DNM3: variants seen among roughly 807,000 people sequenced by gnomAD.
DNM3 encodes the protein dynamin-3.
A neutral mutation model predicts 101.6 loss-of-function variants in DNM3; 47 were observed. The ratio of observed to expected loss-of-function variants is 0.46; its 90% CI spans 0.37 to 0.59. The LOEUF (loss-of-function observed/expected upper bound fraction) is 0.59. Among genes scored for constraint, DNM3 ranks in the 20% least tolerant of loss-of-function variants. DNM3 has a pLI of 0.00. For missense variants in DNM3, 849 were observed against 1,085.7 expected (o/e 0.78, Z 3.06); for synonymous variants, 385 against 387.9 (o/e 0.99, Z 0.09).
At chr1:172,221,496 G>C (rs983170532) in intron 14 of DNM3, among the ~76,000 whole-genome samples, 1 of 152,104 alleles carries the variant, frequency 6.6e-6, no homozygotes, top group Non-Finnish European at 1.5e-5. Context: ...AATCCACAGG[G>C]AAGAGATGGG....
At chr1:171,889,437 C>T (rs1433728540) in intron 1 of DNM3, among the ~76,000 whole-genome samples, 2 of 151,990 alleles carry the variant, frequency 1.3e-5, no homozygotes, top group Non-Finnish European at 2.9e-5. Context: ...GGGGCATATA[C>T]GAAGGAAAAA....
At chr1:172,107,667 T>C (rs1459227651) in intron 13 of DNM3, among the ~76,000 whole-genome samples, 2 of 152,224 alleles carry the variant, frequency 1.3e-5, no homozygotes. Context: ...TAGTTCATTA[T>C]CACAGTGAAA....
chr1:171,925,068 T>A (rs530782283), intron 2 of DNM3, among the ~76,000 whole-genome samples: 1 of 150,660 alleles, frequency 6.6e-6, no homozygotes, highest in South Asian at 2.1e-4. Context: ...CCCGGCTAAT[T>A]TTTTGTATTT....
intron 16 of DNM3, among the ~76,000 whole-genome samples, chr1:172,314,217 C>T (rs151020938): frequency 1.7e-4 from 26 of 152,118 alleles, no homozygotes; most frequent in Admixed American, 1.4e-3. Context: ...TGCCCATCAA[C>T]GATAGACTGG....
chr1:172,012,865 A>G (rs936914083), intron 4 of DNM3, among the ~76,000 whole-genome samples: 2 of 152,074 alleles, frequency 1.3e-5, no homozygotes, highest in African/African-American at 4.8e-5. Context: ...GTTGAAAGTA[A>G]CAAGAAACTA....
intron 8 of DNM3, among the ~76,000 whole-genome samples, chr1:172,043,365 A>G (rs751566665): frequency 2.0e-5 from 3 of 152,176 alleles, no homozygotes; most frequent in Non-Finnish European, 4.4e-5. Flanking sequence ...AAAATGCCCA[A>G]TAGGCAGTTG....
At chr1:171,925,291 G>A (rs1432332645) in intron 2 of DNM3, among the ~76,000 whole-genome samples, 2 of 151,010 alleles carry the variant, frequency 1.3e-5, no homozygotes, top group South Asian at 4.2e-4. Context: ...GCAGTGGTGC[G>A]ATCTCAGCTC....
Position 172,177,527 on chromosome 1 carries a change from C to T in DNM3, c.1659+46239C>T, listed in dbSNP as rs78814216. Among the ~76,000 whole-genome samples the T allele has an allele frequency of 8.9e-3, 1,345 of 151,836 alleles. 16 individuals carry two copies. Among genetic ancestry groups the T allele is most frequent in the African/African-American group, 0.029 (1,207 of 41,456 alleles). ...GGGGGCGCTACTGTACTTTCTAAAACCAAGTTGGATAATTGAAAATGTTGA... is the reference window on the plus strand; with the variant it reads ...GGGGGCGCTACTGTACTTTCTAAAATCAAGTTGGATAATTGAAAATGTTGA... On this transcript the variant is annotated intron_variant, in intron 14 of 20. Coordinates refer to ENST00000627582, the MANE Select transcript of DNM3 (RefSeq NM_015569.5).
At chr1:172,320,217 C>T (rs936495319) in intron 16 of DNM3, among the ~76,000 whole-genome samples, 48 of 147,582 alleles carry the variant, frequency 3.3e-4, no homozygotes, top group Non-Finnish European at 6.2e-4. Flanking sequence ...GAACATCACA[C>T]TCTGGGGACT....
intron 10 of DNM3, among the ~76,000 whole-genome samples, chr1:172,059,935 A>T (rs1352257917): frequency 2.9e-5 from 4 of 139,420 alleles, no homozygotes; most frequent in African/African-American, 1.1e-4. Flanking sequence ...ATGATTGTAT[A>T]TCTAGAAAAC....
chr1:172,018,062 T>A (rs867090548), intron 4 of DNM3, among the ~76,000 whole-genome samples: 1 of 152,066 alleles, frequency 6.6e-6, no homozygotes, highest in Middle Eastern at 3.4e-3. Flanking sequence ...TCTTTCCTCA[T>A]CTATTTACTT....
At chr1:172,168,017 A>G (rs895957168) in intron 14 of DNM3, among the ~76,000 whole-genome samples, 1 of 152,030 alleles carries the variant, frequency 6.6e-6, no homozygotes, top group Non-Finnish European at 1.5e-5. Context: ...AAGGGAAAAC[A>G]TGAACATACC....
In DNM3 at chr1:172,254,276, AT is replaced by A. The variant is rs201114776; in HGVS notation, c.1769+595del. Among the ~76,000 whole-genome samples the A allele has an allele frequency of 7.4e-4, 112 of 152,252 alleles. No homozygotes were observed. The East Asian group carries it at 0.018, about 25-fold the overall frequency. On this transcript the variant is annotated intron_variant, in intron 15 of 20. Coordinates refer to ENST00000627582, the MANE Select transcript of DNM3 (RefSeq NM_015569.5). ...TTACCTTAAAGTCTTTCTTGTCCCAATATATTGTTTACATACTTACAAACTA... is the reference window on the plus strand; with the variant it reads ...TTACCTTAAAGTCTTTCTTGTCCCAAATATTGTTTACATACTTACAAACTA...
At chr1:172,029,761 A>G (rs2048470213) in intron 4 of DNM3, among the ~76,000 whole-genome samples, 1 of 152,160 alleles carries the variant, frequency 6.6e-6, no homozygotes, top group Admixed American at 6.5e-5. Context: ...ATACACCAAT[A>G]AGAGACAAAC....
chr1:172,061,461 A>G (rs909770177), intron 10 of DNM3, among the ~76,000 whole-genome samples: 2 of 151,246 alleles, frequency 1.3e-5, no homozygotes, highest in East Asian at 2.0e-4. Flanking sequence ...ATGTCCAACA[A>G]TGATAGACTG....
chr1:172,026,863 C>T (rs2048240959), intron 4 of DNM3, among the ~76,000 whole-genome samples: 1 of 152,060 alleles, frequency 6.6e-6, no homozygotes, highest in South Asian at 2.1e-4. Flanking sequence ...CCATGTTAGC[C>T]AGGATGGTCT....
At chr1:171,942,892 G>A (rs1558302943) in intron 2 of DNM3, among the ~76,000 whole-genome samples, 1 of 152,084 alleles carries the variant, frequency 6.6e-6, no homozygotes, top group Admixed American at 6.6e-5. Flanking sequence ...CAGGAGGACT[G>A]CTTGTGTTCA....
intron 15 of DNM3, among the ~76,000 whole-genome samples, chr1:172,295,556 G>GTA (rs984546216): frequency 7.9e-5 from 12 of 151,896 alleles, no homozygotes; most frequent in Non-Finnish European, 1.5e-4. Flanking sequence ...TAAAATATAC[G>GTA]TATATATATA....
intron 1 of DNM3, among the ~76,000 whole-genome samples, chr1:171,873,301 A>G (rs1322699402): frequency 1.3e-5 from 2 of 152,172 alleles, no homozygotes; most frequent in Admixed American, 1.3e-4. Flanking sequence ...CATAAATGTT[A>G]GCTATAAAAT....
Sources: gnomAD v4.1 joint callset for allele counts (sites outside exome capture counted in the v4.1 genomes callset) on GRCh38, gnomAD v4.1.1 for gene constraint, MANE v1.5 for transcripts, NCBI Gene and HGNC (gene_info 2026-07-23, HGNC 2026-07-21) for gene names.